PCSK5: variants seen among roughly 807,000 people sequenced by gnomAD.
PCSK5 encodes the protein prohormone convertase 5.
PCSK5 carries 129 observed loss-of-function variants against 233.2 expected under a neutral mutation model. The observed-to-expected ratio is 0.55, with a 90% CI of 0.48 to 0.64. The LOEUF (loss-of-function observed/expected upper bound fraction) is 0.64, where lower values mean the gene tolerates loss of function less well. PCSK5 is among the 30% of genes least tolerant of loss of function. The pLI is 0.00. For synonymous variants in PCSK5, 825 were observed against 879.2 expected (o/e 0.94, Z 1.09); for missense variants, 2,076 against 2,430.1 (o/e 0.85, Z 3.06).
At chr9:76,049,897 A>C (rs1483724581) in intron 5 of PCSK5, among the ~76,000 whole-genome samples, 3 of 152,210 alleles carry the variant, frequency 2.0e-5, no homozygotes, top group African/African-American at 7.2e-5. Flanking sequence ...CTATTTAACA[A>C]ATATTGAATG....
intron 13 of PCSK5, among the ~76,000 whole-genome samples, chr9:76,172,450 A>G (rs1823371299): frequency 6.6e-6 from 1 of 152,196 alleles, no homozygotes; most frequent in African/African-American, 2.4e-5. Context: ...ATAAAATTAC[A>G]TAATAAGTGA....
intron 1 of PCSK5, among the ~76,000 whole-genome samples, chr9:75,931,695 G>GT (rs1201188708): frequency 6.6e-6 from 1 of 152,240 alleles, no homozygotes. Flanking sequence ...GAGGAAAGGT[G>GT]TATGTAAATG....
At chr9:76,066,699 T>C (rs1263667141) in intron 5 of PCSK5, among the ~76,000 whole-genome samples, 1 of 152,162 alleles carries the variant, frequency 6.6e-6, no homozygotes, top group African/African-American at 2.4e-5. Flanking sequence ...TACATAATAT[T>C]ACTAAGTGAA....
intron 25 of PCSK5, among the ~76,000 whole-genome samples, 172 bp downstream of exon 25, chr9:76,292,447 C>A (rs1053495559): frequency 1.3e-5 from 2 of 152,222 alleles, no homozygotes; most frequent in African/African-American, 4.8e-5. Context: ...CCAGCTGTTT[C>A]CTTGCCTCGA....
chr9:76,362,504 C>G lies in PCSK5; in HGVS notation c.*3582C>G, dbSNP rs1465366484. On this transcript the variant is annotated 3_prime_UTR_variant, in exon 38 of 38. Coordinates refer to ENST00000674117, the MANE Select transcript of PCSK5 (RefSeq NM_001372043.1). ...TAGCTTTATCAATTCTGAATTTTCT[C>G]TCCTAAAAATCAGCTCAATCTGTCT... Among the ~76,000 whole-genome samples the G allele has an allele frequency of 6.6e-6, 1 of 152,144 alleles. No individual in the cohort carries two copies. Among genetic ancestry groups the G allele is most frequent in the Non-Finnish European group, 1.5e-5 (1 of 68,038 alleles).
Position 75,958,638 on chromosome 9 carries a change from C to T in PCSK5, c.297+26155C>T, listed in dbSNP as rs12002847. On this transcript the variant is annotated intron_variant, in intron 2 of 37. Transcript: ENST00000674117. ...TAATGCACAAAGATTTTTCTTTTCC[C>T]TTCCCATGGAAGATTCTGGACCCTT... 8.2e-3 allele frequency among the ~76,000 whole-genome samples: 1,250 copies of T among 152,238 alleles called. 13 individuals are homozygous for T. Among genetic ancestry groups the T allele is most frequent in the African/African-American group, 0.028 (1,153 of 41,532 alleles).
At chr9:75,916,142 G>C (rs1338720502) in intron 1 of PCSK5, among the ~76,000 whole-genome samples, 2 of 152,164 alleles carry the variant, frequency 1.3e-5, no homozygotes, top group Non-Finnish European at 2.9e-5. Flanking sequence ...TAATCTTAAA[G>C]TTAATCAGGT....
rs531580048 is a variant in PCSK5 at position 76,011,931 on chromosome 9, T to C, written c.412-11807T>C. 4.7e-4 allele frequency among the ~76,000 whole-genome samples: 72 copies of C among 152,292 alleles called. 1 individual carries two copies. In the South Asian group the frequency reaches 0.014, roughly 29 times the overall value. ...TTTCCCTTAATGTCATGCAAGGTCT[T>C]TTTTTTATTTCCTTCATAACTATTA... is the stretch of plus-strand genomic sequence containing the variant. On this transcript the variant is annotated intron_variant, in intron 3 of 37. Coordinates refer to ENST00000674117, the MANE Select transcript of PCSK5 (RefSeq NM_001372043.1).
intron 20 of PCSK5, among the ~76,000 whole-genome samples, chr9:76,204,109 G>T (rs927041402): frequency 6.6e-6 from 1 of 152,128 alleles, no homozygotes; most frequent in Admixed American, 6.5e-5. Flanking sequence ...TTTATTCATT[G>T]TTGATCCCTC....
intron 2 of PCSK5, among the ~76,000 whole-genome samples, chr9:75,978,872 T>C (rs1043540281): frequency 2.0e-5 from 3 of 147,512 alleles, no homozygotes; most frequent in Admixed American, 6.7e-5. Context: ...TGTTTCCCTT[T>C]TTTTTTTCTT....
chr9:76,048,777 A>G (rs1829515095), intron 5 of PCSK5, among the ~76,000 whole-genome samples: 1 of 152,206 alleles, frequency 6.6e-6, no homozygotes, highest in South Asian at 2.1e-4. Context: ...ACTTTAATTG[A>G]TTTGATGTCT....
At position 76,278,720 on chromosome 9, in the gene PCSK5, C is replaced by T. The variant is rs192130632; in HGVS notation, c.3143-13513C>T. Among the ~76,000 whole-genome samples the T allele has an allele frequency of 6.9e-3, 1,047 of 152,214 alleles. 9 individuals are homozygous for T. Among genetic ancestry groups the T allele is most frequent in the Middle Eastern group, 0.014 (4 of 294 alleles). ...ATCTATCCATCCATCCATCCATCCA[C>T]ACAGGTAGGTATCTACCTACCATAT... On this transcript the variant is annotated intron_variant, in intron 24 of 37. Coordinates refer to ENST00000674117, the MANE Select transcript of PCSK5 (RefSeq NM_001372043.1).
At chr9:76,205,084 T>C (rs922658898) in intron 20 of PCSK5, 1 of 518,602 alleles carries the variant, frequency 1.9e-6, no homozygotes, top group East Asian at 5.5e-5. Flanking sequence ...TTCCACACTC[T>C]CACCATATCT....
At chr9:76,098,204 A>G (rs1587625052) in intron 8 of PCSK5, among the ~76,000 whole-genome samples, 2 of 152,318 alleles carry the variant, frequency 1.3e-5, no homozygotes, top group East Asian at 1.9e-4. Flanking sequence ...ACCCATATAC[A>G]TGTCCCCATC....
At chr9:76,170,602 A>G (rs1339772558) in intron 13 of PCSK5, among the ~76,000 whole-genome samples, 1 of 152,220 alleles carries the variant, frequency 6.6e-6, no homozygotes, top group Admixed American at 6.5e-5. Flanking sequence ...CCACCCATCC[A>G]TGAACACATC....
At chr9:76,132,037 T>C (rs1351272969) in intron 9 of PCSK5, among the ~76,000 whole-genome samples, 1 of 152,098 alleles carries the variant, frequency 6.6e-6, no homozygotes, top group Non-Finnish European at 1.5e-5. Flanking sequence ...AATGTCTTTC[T>C]GGACCAAGCT....
intron 7 of PCSK5, among the ~76,000 whole-genome samples, chr9:76,080,669 G>A (rs1163718923): frequency 1.3e-5 from 2 of 152,142 alleles, no homozygotes; most frequent in African/African-American, 2.4e-5. Context: ...TTTGTGTCAT[G>A]TTCAGGTTAA....
intron 20 of PCSK5, chr9:76,195,155 C>A (rs1010611435): frequency 6.5e-6 from 1 of 153,796 alleles, no homozygotes; most frequent in Non-Finnish European, 1.4e-5. Flanking sequence ...CCTTATAACA[C>A]CACAGGCCCT....
At chr9:75,904,643 TTGA>T (rs545300371) in intron 1 of PCSK5, among the ~76,000 whole-genome samples, 90 of 152,310 alleles carry the variant, frequency 5.9e-4, no homozygotes, top group African/African-American at 2.1e-3. Context: ...ATTACAAGTG[TTGA>T]TGAGAATGTG....
Sources: allele counts gnomAD v4.1 joint callset (sites outside exome capture counted in the v4.1 genomes callset), GRCh38; gene constraint gnomAD v4.1.1; transcripts MANE v1.5; gene names NCBI Gene and HGNC (gene_info 2026-07-23, HGNC 2026-07-21).